The following SLC24A1 variants were observed in gnomAD, a reference collection of about 807,000 sequenced individuals.
The protein encoded by SLC24A1 is solute carrier family 24 member 1.
SLC24A1 carries 52 observed loss-of-function variants against 88.1 expected under a neutral mutation model. The observed-to-expected ratio is 0.59, with a 90% CI of 0.47 to 0.74. The LOEUF is 0.74. SLC24A1 is among the 30% of genes least tolerant of loss of function. SLC24A1 has a pLI of 0.00. For synonymous variants in SLC24A1, 455 were observed against 498.0 expected (o/e 0.91, Z 1.15); for missense variants, 1,173 against 1,363.3 (o/e 0.86, Z 2.20).
At chr15:65,640,063 A>T (rs2075072701) in intron 4 of SLC24A1, among the ~76,000 whole-genome samples, 1 of 152,306 alleles carries the variant, frequency 6.6e-6, no homozygotes, top group South Asian at 2.1e-4. Context: ...CCCACTGCCC[A>T]GGAGTCAGCC....
At chr15:65,636,223 AG>A (rs2074928366) in intron 2 of SLC24A1, among the ~76,000 whole-genome samples, 2 of 152,186 alleles carry the variant, frequency 1.3e-5, no homozygotes, top group South Asian at 4.1e-4. Context: ...GTGGAGGTGA[AG>A]CAGGAGGACT....
chr15:65,635,269 C>T (rs2074878451), intron 2 of SLC24A1, among the ~76,000 whole-genome samples: 1 of 151,500 alleles, frequency 6.6e-6, no homozygotes, highest in Admixed American at 6.6e-5. Flanking sequence ...ATCACAAGGT[C>T]AGGAGATCAA....
upstream of SLC24A1, among the ~76,000 whole-genome samples, chr15:65,618,179 G>C (rs538864821): frequency 1.3e-5 from 2 of 152,104 alleles, no homozygotes; most frequent in African/African-American, 4.8e-5. Context: ...CAGAAGTATA[G>C]ACATTCTTAC....
chr15:65,655,546 T>C lies in SLC24A1; in HGVS notation c.*1467T>C, dbSNP rs2075653357. ...GCTTGCTGCTTTTACTAGAATCAAGTTAAGGGACACGTTAGAAATAGAACA... is the reference window on the plus strand; with the variant it reads ...GCTTGCTGCTTTTACTAGAATCAAGCTAAGGGACACGTTAGAAATAGAACA... On this transcript the variant is annotated 3_prime_UTR_variant, in exon 10 of 10. Transcript: ENST00000261892. 3 of 985,154 alleles carry C rather than the reference T, an allele frequency of 3.0e-6. No homozygotes were observed. Among genetic ancestry groups the C allele is most frequent in the Non-Finnish European group, 3.6e-6 (3 of 829,910 alleles). The allele number at this position is 985,154 out of a possible 1,614,324, so 61.0% of individuals were successfully genotyped here.
intron 4 of SLC24A1, among the ~76,000 whole-genome samples, chr15:65,641,060 C>CAAAT (rs768767979): frequency 1.2e-4 from 18 of 151,106 alleles, no homozygotes; most frequent in Admixed American, 4.0e-4. Flanking sequence ...GACTCCACCT[C>CAAAT]AAATAAATAA....
intron 2 of SLC24A1, among the ~76,000 whole-genome samples, chr15:65,627,291 G>C (rs2074551944): frequency 6.6e-6 from 1 of 152,112 alleles, no homozygotes. Context: ...TCACTGAAAG[G>C]TCCTGTCTAA....
At position 65,650,645 on chromosome 15, in the gene SLC24A1, A is replaced by C; in HGVS notation, c.2496A>C (p.Glu832Asp). Reference protein sequence around the residue: ...KGNEGETESQELSAENHGEAK... With the variant: ...KGNEGETESQDLSAENHGEAK... Reference sequence around the variant, plus strand: ...ATGAAGGTGAAACTGAAAGCCAGGAACTCAGTGCTGAAAATCACGGTGAAG... The same window carrying C: ...ATGAAGGTGAAACTGAAAGCCAGGACCTCAGTGCTGAAAATCACGGTGAAG... Residue 832 changes from glutamate to aspartate, a missense_variant, in exon 7 of 10, where the codon GAA (glutamate) becomes GAC (aspartate). By Grantham distance (45) the Glu-to-Asp change is conservative. Coordinates refer to ENST00000261892, the MANE Select transcript of SLC24A1 (RefSeq NM_004727.3). The surrounding 1 kb of genome is among the most constrained non-coding windows in gnomAD (Gnocchi z 4.1). 1.3e-6 allele frequency: 2 copies of C among 1,549,496 alleles called. No individual in the cohort carries two copies. The highest frequency in any genetic ancestry group is 1.7e-6 in the Non-Finnish European group (2 of 1,145,318).
In SLC24A1 at chr15:65,639,988, A is replaced by G. The variant is rs535615023; in HGVS notation, c.2053+285A>G. ...CCCTCCCTGTAAAATGAAGGCATTA[A>G]CCTGCAGTTAGGCTGTGAGTACCAT... On this transcript the variant is annotated intron_variant, in intron 4 of 9. Coordinates refer to ENST00000261892, the MANE Select transcript of SLC24A1 (RefSeq NM_004727.3). 1.8e-3 allele frequency among the ~76,000 whole-genome samples: 281 copies of G among 152,292 alleles called. 2 individuals are homozygous for G. Among genetic ancestry groups the G allele is most frequent in the Non-Finnish European group, 3.1e-3 (212 of 68,020 alleles).
intron 6 of SLC24A1, among the ~76,000 whole-genome samples, chr15:65,648,224 C>T (rs923692259): frequency 6.6e-6 from 1 of 151,980 alleles, no homozygotes; most frequent in African/African-American, 2.4e-5. Context: ...GGTGCCACTG[C>T]ACTCCAGCCT....
intron 2 of SLC24A1, among the ~76,000 whole-genome samples, chr15:65,636,673 C>T (rs995715532): frequency 6.6e-6 from 1 of 151,240 alleles, no homozygotes. Flanking sequence ...GTCAGGAGTT[C>T]GAGACCAGCC....
At chr15:65,611,394 T>C, upstream of SLC24A1, 1 of 592,608 alleles carries the variant, frequency 1.7e-6, no homozygotes, top group Non-Finnish European at 3.0e-6. Flanking sequence ...TTTCCTGCCG[T>C]GTCTCTCTGC....
chr15:65,654,376 T>C lies in SLC24A1; in HGVS notation c.*297T>C, dbSNP rs950435260. The C allele has an allele frequency of 1.7e-6, 2 of 1,197,474 alleles. No individual in the cohort carries two copies. The highest frequency in any genetic ancestry group is 4.9e-5 in the East Asian group (1 of 20,482). 74.2% of individuals were successfully genotyped at this position (1,197,474 alleles called of 1,614,324 possible). On this transcript the variant is annotated 3_prime_UTR_variant, in exon 10 of 10. Coordinates refer to ENST00000261892, the MANE Select transcript of SLC24A1 (RefSeq NM_004727.3). Reference sequence around the variant, plus strand: ...GAGCCAGAGGGTTTTCTAAATGAGATAACTGGGGGCAAAGGTTGGGATAGG... The same window carrying C: ...GAGCCAGAGGGTTTTCTAAATGAGACAACTGGGGGCAAAGGTTGGGATAGG...
chr15:65,614,486 C>T (rs186844157), intron 2 of SLC24A1, among the ~76,000 whole-genome samples: 12 of 152,208 alleles, frequency 7.9e-5, no homozygotes, highest in African/African-American at 2.9e-4. Context: ...ATATTGAAAT[C>T]CGTTGCTATA....
At position 65,625,869 on chromosome 15, in the gene SLC24A1, G is replaced by A. The variant is rs1368676224; in HGVS notation, c.1789G>A (p.Val597Met). The A allele has an allele frequency of 6.2e-7, 1 of 1,614,018 alleles. No homozygotes were observed. The highest frequency in any genetic ancestry group is 1.1e-5 in the South Asian group (1 of 91,092). Residue 597 changes from valine to methionine, a missense_variant, in exon 2 of 10, where the codon GTG becomes ATG. By Grantham distance (21) the Val-to-Met change is conservative. Transcript: ENST00000261892. ...LLLLLAYAFYVFTMKWNKHIE... is the reference protein window; with the variant it reads ...LLLLLAYAFYMFTMKWNKHIE... ...GCTGCTGCTGGCCTATGCCTTCTAT[G>A]TGTTCACCATGAAGTGGAACAAGCA...
chr15:65,622,670 AT>A (rs1380497570), intron 1 of SLC24A1, among the ~76,000 whole-genome samples: 1 of 151,916 alleles, frequency 6.6e-6, no homozygotes, highest in African/African-American at 2.4e-5. Flanking sequence ...TAAAATGAGG[AT>A]TCTTTGAGGG....
chr15:65,624,962 T>A lies in SLC24A1; in HGVS notation c.882T>A (p.His294Gln), dbSNP rs1263586307. 6.2e-7 allele frequency: 1 copy of A among 1,609,172 alleles called. No homozygotes were observed. Among genetic ancestry groups the A allele is most frequent in the Non-Finnish European group, 8.5e-7 (1 of 1,177,608 alleles). The change falls in exon 2 of 10, where the codon CAT (histidine) becomes CAA (glutamine). Residue 294 changes from histidine (H) to glutamine (Q), a missense_variant. Transcript: ENST00000261892. The part of the protein sequence containing the change: ...PRRVESNSSA[H>Q]PWGLVGKSNP... ...GAGTGGAAAGTAACAGCTCAGCCCA[T>A]CCCTGGGGGTTAGTGGGAAAGAGCA...
intron 2 of SLC24A1, among the ~76,000 whole-genome samples, chr15:65,637,640 C>T (rs62014366): frequency 0.069 from 10,513 of 152,258 alleles, 402 homozygotes; most frequent in African/African-American, 0.11. Flanking sequence ...GTGAATAAAA[C>T]AGTCTACCTT....
Position 65,650,639 on chromosome 15 carries a change from C to G in SLC24A1, c.2490C>G (p.Ser830Arg), listed in dbSNP as rs199960683. The G allele has an allele frequency of 6.6e-5, 102 of 1,549,406 alleles. No homozygotes were observed. The highest frequency in any genetic ancestry group is 4.1e-4 in the Admixed American group (21 of 50,748). Reference sequence around the variant, plus strand: ...AAGGTAATGAAGGTGAAACTGAAAGCCAGGAACTCAGTGCTGAAAATCACG... The same window carrying G: ...AAGGTAATGAAGGTGAAACTGAAAGGCAGGAACTCAGTGCTGAAAATCACG... ...EMKGNEGETESQELSAENHGE... is the reference protein window; with the variant it reads ...EMKGNEGETERQELSAENHGE... The change falls in exon 7 of 10, where the codon AGC becomes AGG. Residue 830 changes from serine (S) to arginine (R), a missense_variant. By Grantham distance (110) the Ser-to-Arg change is moderately radical. Transcript: ENST00000261892. This position sits in a 1 kb window ranked among gnomAD's most constrained non-coding sequence, Gnocchi z 4.1.
At position 65,631,012 on chromosome 15, in the gene SLC24A1, G is replaced by A. The variant is rs533330803; in HGVS notation, c.1890+5042G>A. ...CTAACCACAATATTAAAAAAAAAAA[G>A]CTTTCAATGTTCACCTGCTAGTGGG... is the stretch of plus-strand genomic sequence containing the variant. On this transcript the variant is annotated intron_variant, in intron 2 of 9. Coordinates refer to ENST00000261892, the MANE Select transcript of SLC24A1 (RefSeq NM_004727.3). 1.2e-4 allele frequency among the ~76,000 whole-genome samples: 18 copies of A among 151,694 alleles called. 1 individual carries two copies. Among genetic ancestry groups the A allele is most frequent in the South Asian group, 4.2e-4 (2 of 4,774 alleles).
Sources: allele counts gnomAD v4.1 joint callset (sites outside exome capture counted in the v4.1 genomes callset), GRCh38; gene constraint gnomAD v4.1.1; non-coding constraint Gnocchi (gnomAD v3.1); transcripts MANE v1.5; gene names NCBI Gene and HGNC (gene_info 2026-07-23, HGNC 2026-07-21).